WNK2: variants seen among roughly 807,000 people sequenced by gnomAD.
WNK2 encodes WNK lysine deficient protein kinase 2, also known as serine/threonine-protein kinase WNK2.
In WNK2, 67 loss-of-function variants were observed where a neutral mutation model predicts 192.1. The ratio of observed to expected loss-of-function variants is 0.35; its 90% CI spans 0.29 to 0.43. The LOEUF is 0.43. Among genes scored for constraint, WNK2 ranks in the 20% least tolerant of loss-of-function variants. The probability of loss-of-function intolerance (pLI) is 1.00; values close to 1 mark genes in which losing one functional copy is unlikely to be tolerated. For missense variants in WNK2, 2,698 were observed against 3,089.7 expected (o/e 0.87, Z 3.01); for synonymous variants, 1,439 against 1,393.9 (o/e 1.03, Z -0.72).
At chr9:93,268,251 A>G (rs1464209981) in intron 18 of WNK2, among the ~76,000 whole-genome samples, 186 bp downstream of exon 18, 1 of 152,152 alleles carries the variant, frequency 6.6e-6, no homozygotes, top group East Asian at 1.9e-4. Context: ...CACGGCCTTC[A>G]TGGATGGTGC....
At position 93,292,690 on chromosome 9, in the gene WNK2, C is replaced by T. The variant is rs765589301; in HGVS notation, c.5225C>T (p.Ala1742Val). Residue 1742 changes from alanine to valine, a missense_variant, in exon 23 of 30, where the codon GCC (alanine) becomes GTC (valine). Transcript: ENST00000427277. The part of the protein sequence containing the change: ...RPEQQDVSSP[A>V]KTVGRFSVVS... Reference sequence around the variant, plus strand: ...GAGCAGCAGGATGTCAGCTCACCAGCCAAGACTGTGGGCCGTTTCTCGGTG... The same window carrying T: ...GAGCAGCAGGATGTCAGCTCACCAGTCAAGACTGTGGGCCGTTTCTCGGTG... 4 of 1,572,316 alleles carry T rather than the reference C, an allele frequency of 2.5e-6. No individual in the cohort carries two copies. The highest frequency in any genetic ancestry group is 3.4e-6 in the Non-Finnish European group (4 of 1,160,272).
rs1854916283 is a variant in WNK2 at position 93,317,527 on chromosome 9, C to T, written c.6524C>T (p.Ala2175Val). ...CGTCTCTGTGTTTTGTAGATGACCG[C>T]ACCTCGAGCAGGAGTGGGGATGCCA... ...AAPGEARAMT[A>V]PRAGVGMPRL... Residue 2175 changes from alanine to valine, a missense_variant, in exon 29 of 30, where the codon GCA becomes GTA. Transcript: ENST00000427277. The T allele has an allele frequency of 6.2e-7, 1 of 1,613,738 alleles. No homozygotes were observed. The highest frequency in any genetic ancestry group is 8.5e-7 in the Non-Finnish European group (1 of 1,179,846).
At chr9:93,244,242 A>C (rs190816527) in intron 7 of WNK2, among the ~76,000 whole-genome samples, 1 of 152,270 alleles carries the variant, frequency 6.6e-6, no homozygotes, top group African/African-American at 2.4e-5. Flanking sequence ...CCTCTCAGCA[A>C]GTTCCACTCG....
chr9:93,275,886 C>T (rs919923608), intron 19 of WNK2, among the ~76,000 whole-genome samples: 2 of 152,122 alleles, frequency 1.3e-5, no homozygotes, highest in African/African-American at 4.8e-5. Context: ...TACATAGATC[C>T]AAGTTTAATA....
At chr9:93,315,783 TTGTGTGTGTGTGTGTGTGTGTGTGTG>T (rs10532270) in intron 28 of WNK2, 1 of 117,110 alleles carries the variant, frequency 8.5e-6, no homozygotes, top group Non-Finnish European at 2.1e-5. Context: ...TGAAGACCCC[TTGTGTGTGTGTGTGTGTGTGTGTGTG>T]TGTGTGTGTG....
chr9:93,234,765 C>T (rs774484621), intron 4 of WNK2, 43 bp from the exon 5 acceptor site: 3 of 1,590,752 alleles, frequency 1.9e-6, no homozygotes, highest in Non-Finnish European at 8.6e-7. Context: ...TCTTCCTGGG[C>T]CCGTGGCCAG....
chr9:93,303,583 G>A (rs529432959), intron 26 of WNK2, among the ~76,000 whole-genome samples: 1 of 152,320 alleles, frequency 6.6e-6, no homozygotes, highest in South Asian at 2.1e-4. Context: ...GGAGGCCTCG[G>A]GGTGGAGGGC....
At chr9:93,310,779 C>T (rs1309036412) in intron 28 of WNK2, among the ~76,000 whole-genome samples, 1 of 152,120 alleles carries the variant, frequency 6.6e-6, no homozygotes, top group Non-Finnish European at 1.5e-5. Flanking sequence ...TTTCAAGGTG[C>T]ATCCATGTTG....
intron 2 of WNK2, among the ~76,000 whole-genome samples, chr9:93,224,801 A>G (rs922560398): frequency 2.0e-4 from 30 of 152,184 alleles, no homozygotes; most frequent in African/African-American, 7.0e-4. Context: ...TTGAGTGAGC[A>G]GCCAGGAGGC....
chr9:93,215,148 G>T (rs1381788422), intron 2 of WNK2, among the ~76,000 whole-genome samples: 2 of 151,966 alleles, frequency 1.3e-5, no homozygotes, highest in Non-Finnish European at 2.9e-5. Flanking sequence ...TTGAGATGGA[G>T]TCTTGCTCTG....
At chr9:93,201,201 C>T (rs1424449969) in intron 2 of WNK2, among the ~76,000 whole-genome samples, 1 of 152,168 alleles carries the variant, frequency 6.6e-6, no homozygotes, top group Non-Finnish European at 1.5e-5. Context: ...TCTTAACAGC[C>T]CCTCTGTGTG....
In WNK2 at chr9:93,211,115, C is replaced by CACTCATCCCCTCACAT. The variant is rs59792961; in HGVS notation, c.682-18567_682-18566insATACTCATCCCCTCAC. On this transcript the variant is annotated intron_variant, in intron 2 of 29. Coordinates refer to ENST00000427277, the MANE Select transcript of WNK2 (RefSeq NM_006648.4). ...TCATTCACTCACTCATCCACTCACT[C>CACTCATCCCCTCACAT]ACTCATCCCCTCACTTACTCATCCA... is the stretch of plus-strand genomic sequence containing the variant. Among the ~76,000 whole-genome samples, 107 of 151,990 alleles carry CACTCATCCCCTCACAT rather than the reference C, an allele frequency of 7.0e-4. 1 individual carries two copies. Among genetic ancestry groups the CACTCATCCCCTCACAT allele is most frequent in the African/African-American group, 2.4e-3 (101 of 41,418 alleles).
chr9:93,299,350 G>A (rs1851191071), intron 25 of WNK2, 89 bp downstream of exon 25: 4 of 1,396,250 alleles, frequency 2.9e-6, no homozygotes, highest in African/African-American at 1.5e-5. Context: ...TTGTGTAGAG[G>A]GGTTGCAAGC....
rs145773303 is a variant in WNK2, at chr9:93,308,498, C to T, written c.6430C>T (p.Pro2144Ser). 1.9e-6 allele frequency: 3 copies of T among 1,607,860 alleles called. No individual in the cohort carries two copies. Among genetic ancestry groups the T allele is most frequent in the African/African-American group, 1.3e-5 (1 of 74,936 alleles). Residue 2144 changes from proline (P) to serine (S), a missense_variant, in exon 28 of 30, where the codon CCC becomes TCC. Transcript: ENST00000427277. ...GACGGTGGGGGCCGCGCAGCTGAAG[C>T]CCACGCTCAACCAGCTGAAGCAGAC... Reference protein sequence around the residue: ...SKTVGAAQLKPTLNQLKQTQK... With the variant: ...SKTVGAAQLKSTLNQLKQTQK...
intron 2 of WNK2, among the ~76,000 whole-genome samples, chr9:93,216,826 CA>C (rs113512110): frequency 0.97 from 144,115 of 149,224 alleles, 69,652 homozygotes; most frequent in African/African-American, 0.99. Flanking sequence ...ACAACAACAA[CA>C]AACAAACAAA....
intron 4 of WNK2, among the ~76,000 whole-genome samples, chr9:93,231,607 A>T (rs1283544244): frequency 1.3e-5 from 2 of 152,198 alleles, no homozygotes; most frequent in African/African-American, 4.8e-5. Context: ...GGCCCAAGGA[A>T]GTGAGAACTT....
At chr9:93,241,493 C>T (rs1840753435) in intron 7 of WNK2, among the ~76,000 whole-genome samples, 2 of 152,196 alleles carry the variant, frequency 1.3e-5, no homozygotes, top group South Asian at 4.1e-4. Flanking sequence ...AAATGTCCAT[C>T]AGTCACCAGT....
intron 12 of WNK2, among the ~76,000 whole-genome samples, chr9:93,261,368 A>C (rs142253702): frequency 6.6e-6 from 1 of 152,334 alleles, no homozygotes; most frequent in Non-Finnish European, 1.5e-5. Context: ...AACAGTGAGA[A>C]AGCCAAGCCT....
In WNK2 at chr9:93,319,357, G is replaced by T. The variant is rs1036032919; in HGVS notation, c.6629-1010G>T. ...GGGTGCTGAGGGGCTGCGGGTGCTG[G>T]GCTGGGCTGTCCCCGGCAGGGGTCT... On this transcript the variant is annotated intron_variant, in intron 29 of 29. Transcript: ENST00000427277. 22 of 1,380,660 alleles carry T rather than the reference G, an allele frequency of 1.6e-5. No homozygotes were observed. The African/African-American group carries it at 3.2e-4, about 20-fold the overall frequency. The allele number at this position is 1,380,660 out of a possible 1,614,324, so 85.5% of individuals were successfully genotyped here.
Sources: allele counts gnomAD v4.1 joint callset (sites outside exome capture counted in the v4.1 genomes callset), GRCh38; gene constraint gnomAD v4.1.1; transcripts MANE v1.5; gene names NCBI Gene and HGNC (gene_info 2026-07-23, HGNC 2026-07-21).